Variants in SGCD observed in about 807,000 individuals in gnomAD.
SGCD encodes the protein sarcoglycan delta, also known as delta-sarcoglycan.
SGCD carries 18 observed loss-of-function variants against 36.6 expected under a neutral mutation model. The observed-to-expected ratio is 0.49, with a 90% CI of 0.34 to 0.73. The LOEUF is 0.73. SGCD is among the 30% of genes least tolerant of loss of function. The pLI, the probability that SGCD is intolerant of heterozygous loss-of-function variation, is 0.01. For missense variants in SGCD, 387 were observed against 346.7 expected, an observed-to-expected ratio of 1.12 and a Z score of -0.92; for synonymous variants, 133 against 130.6, an observed-to-expected ratio of 1.02 and a Z score of -0.12.
chr5:156,280,069 A>G (rs1279841788), intron 3 of SGCD, among the ~76,000 whole-genome samples: 1 of 151,962 alleles, frequency 6.6e-6, no homozygotes, highest in African/African-American at 2.4e-5. Context: ...CTATGGATGC[A>G]TTGTCTAGTC....
chr5:156,557,695 T>C (rs1243076108), intron 4 of SGCD, among the ~76,000 whole-genome samples: 1 of 152,100 alleles, frequency 6.6e-6, no homozygotes, highest in Non-Finnish European at 1.5e-5. Context: ...CATTTGAGAT[T>C]TGAAACTGTT....
At chr5:156,378,448 A>G (rs909876898) in intron 3 of SGCD, among the ~76,000 whole-genome samples, 1 of 152,154 alleles carries the variant, frequency 6.6e-6, no homozygotes, top group Non-Finnish European at 1.5e-5. Context: ...TCTTAATACT[A>G]TTGAACTACA....
At chr5:155,871,813 G>A (rs1755662539) in intron 1 of SGCD, among the ~76,000 whole-genome samples, 2 of 152,306 alleles carry the variant, frequency 1.3e-5, no homozygotes, top group South Asian at 4.1e-4. Context: ...AGGTGAAGCT[G>A]ACAAGAGTTA....
chr5:156,497,429 C>A (rs1371765132), intron 3 of SGCD, among the ~76,000 whole-genome samples: 3 of 152,084 alleles, frequency 2.0e-5, no homozygotes, highest in African/African-American at 7.2e-5. Flanking sequence ...CCTGTTTATA[C>A]ATTACTGTTG....
At chr5:156,207,903 A>G (rs1279236179) in intron 3 of SGCD, among the ~76,000 whole-genome samples, 3 of 152,164 alleles carry the variant, frequency 2.0e-5, no homozygotes, top group African/African-American at 7.2e-5. Context: ...GGTGAAAAGC[A>G]GAATTGACTG....
At chr5:155,763,626 G>C in the SGCD span, among the ~76,000 whole-genome samples, 36 of 152,274 alleles carry the variant, frequency 2.4e-4, no homozygotes, top group South Asian at 7.5e-3. Context: ...ACATCAAAGA[G>C]AGTGTGGCTG....
intron 3 of SGCD, among the ~76,000 whole-genome samples, chr5:156,316,208 C>G (rs769392991): frequency 2.0e-5 from 3 of 151,914 alleles, no homozygotes; most frequent in Non-Finnish European, 2.9e-5. Context: ...ATCAGAAAAA[C>G]AGTTCCCTAG....
At chr5:156,203,254 A>G (rs1486005005) in intron 3 of SGCD, among the ~76,000 whole-genome samples, 1 of 152,100 alleles carries the variant, frequency 6.6e-6, no homozygotes, top group East Asian at 1.9e-4. Flanking sequence ...CAAATCTTTA[A>G]CTATTTGGAT....
the SGCD span, among the ~76,000 whole-genome samples, chr5:155,771,476 G>A: frequency 1.3e-5 from 2 of 151,330 alleles, no homozygotes; most frequent in African/African-American, 2.4e-5. Context: ...CAGGCTAGAG[G>A]GCAGTGGCGT....
At chr5:156,323,630 A>T (rs180681603), upstream of SGCD, among the ~76,000 whole-genome samples, 6 of 152,364 alleles carry the variant, frequency 3.9e-5, no homozygotes, top group East Asian at 1.2e-3. Flanking sequence ...TTTCTGGTTC[A>T]TATGATCTTC....
intron 3 of SGCD, among the ~76,000 whole-genome samples, chr5:156,126,746 G>A (rs1241974562): frequency 6.6e-6 from 1 of 152,182 alleles, no homozygotes; most frequent in Non-Finnish European, 1.5e-5. Flanking sequence ...TTTAGAAAAG[G>A]CAAATCAAAG....
intron 1 of SGCD, among the ~76,000 whole-genome samples, chr5:156,036,234 T>G (rs1030213105): frequency 1.3e-5 from 2 of 152,144 alleles, no homozygotes; most frequent in African/African-American, 4.8e-5. Context: ...CATAGAGACT[T>G]GTACAGCAGG....
chr5:156,470,487 TC>T (rs1274141147), intron 3 of SGCD, among the ~76,000 whole-genome samples: 2 of 145,980 alleles, frequency 1.4e-5, no homozygotes, highest in African/African-American at 5.0e-5. Context: ...ATGCTATCCC[TC>T]CCCCCTACCC....
chr5:156,118,979 G>A (rs1761969352), intron 2 of SGCD, among the ~76,000 whole-genome samples: 1 of 152,074 alleles, frequency 6.6e-6, no homozygotes. Context: ...CCCCTACTTT[G>A]AGTATTATCA....
At chr5:156,370,805 T>C (rs1770344915) in intron 3 of SGCD, among the ~76,000 whole-genome samples, 1 of 152,106 alleles carries the variant, frequency 6.6e-6, no homozygotes. Flanking sequence ...GGGGAGATTT[T>C]GAGGACAAAC....
intron 3 of SGCD, among the ~76,000 whole-genome samples, chr5:156,487,009 A>C (rs995306675): frequency 1.3e-5 from 2 of 152,128 alleles, no homozygotes; most frequent in East Asian, 3.9e-4. Context: ...ACTGTCAGCT[A>C]TCAGTACCCA....
At chr5:156,216,080 A>C (rs1041361818) in intron 3 of SGCD, among the ~76,000 whole-genome samples, 15 of 152,232 alleles carry the variant, frequency 9.9e-5, no homozygotes, top group African/African-American at 3.4e-4. Context: ...AGCCAGGCCC[A>C]GAACAAATAA....
chr5:155,929,561 C>T (rs931590724), intron 1 of SGCD, among the ~76,000 whole-genome samples: 1 of 152,110 alleles, frequency 6.6e-6, no homozygotes, highest in African/African-American at 2.4e-5. Flanking sequence ...TCTCACTAAT[C>T]TCTTCTATTC....
chr5:156,388,847 T>C (rs1771416929), intron 3 of SGCD, among the ~76,000 whole-genome samples: 1 of 152,222 alleles, frequency 6.6e-6, no homozygotes, highest in Non-Finnish European at 1.5e-5. Context: ...ATAATACAGA[T>C]ACTATTTTGA....
Sources: gnomAD v4.1 joint callset for allele counts (sites outside exome capture counted in the v4.1 genomes callset) on GRCh38, gnomAD v4.1.1 for gene constraint, MANE v1.5 for transcripts, NCBI Gene and HGNC (gene_info 2026-07-23, HGNC 2026-07-21) for gene names.